ANK2: variants seen among roughly 807,000 people sequenced by gnomAD.
The protein encoded by ANK2 is ankyrin-2.
In ANK2, 83 loss-of-function variants were observed where a neutral mutation model predicts 360.5. The observed-to-expected ratio is 0.23, with a 90% CI of 0.19 to 0.28. The LOEUF is 0.28. Among genes scored for constraint, ANK2 ranks in the 10% least tolerant of loss-of-function variants. ANK2 has a pLI of 1.00. For missense variants in ANK2, 4,201 were observed against 4,795.7 expected, an observed-to-expected ratio of 0.88 and a Z score of 3.66; for synonymous variants, 1,740 against 1,759.5, an observed-to-expected ratio of 0.99 and a Z score of 0.28.
At chr4:113,267,535 G>T (rs1486339684) in intron 14 of ANK2, among the ~76,000 whole-genome samples, 1 of 152,168 alleles carries the variant, frequency 6.6e-6, no homozygotes, top group Non-Finnish European at 1.5e-5. Context: ...GTTTCTGTCA[G>T]ATTTGTCAAA....
intron 24 of ANK2, chr4:113,313,786 G>GT (rs59816521): frequency 6.7e-6 from 1 of 148,774 alleles, no homozygotes; most frequent in Non-Finnish European, 1.5e-5. Flanking sequence ...GTGTTGCCGG[G>GT]GCGGGGGGTG....
Position 113,234,217 on chromosome 4 carries a change from T to C in ANK2, c.483+1958T>C, listed in dbSNP as rs867712264. ...CAAGGCCACTGTAGCATTTCCCATT[T>C]GGTTCCAAAAATACCCTTTTATGTA... On this transcript the variant is annotated intron_variant, in intron 5 of 45. Coordinates refer to ENST00000357077, the MANE Select transcript of ANK2 (RefSeq NM_001148.6). Among the ~76,000 whole-genome samples, 29 of 152,306 alleles carry C rather than the reference T, an allele frequency of 1.9e-4. 1 individual carries two copies. The highest frequency in any genetic ancestry group is 1.6e-3 in the Admixed American group (25 of 15,304).
chr4:113,075,102 A>G (rs188994978), intron 1 of ANK2, among the ~76,000 whole-genome samples: 62 of 152,338 alleles, frequency 4.1e-4, no homozygotes, highest in African/African-American at 1.4e-3. Flanking sequence ...CAAAGTCTGC[A>G]TTTTAATAAG....
At chr4:112,854,327 G>T (rs2065796464) in intron 1 of ANK2, among the ~76,000 whole-genome samples, 1 of 152,188 alleles carries the variant, frequency 6.6e-6, no homozygotes, top group Non-Finnish European at 1.5e-5. Flanking sequence ...AAAAATTGAC[G>T]AAACAATCTG....
intron 5 of ANK2, 56 bp from the exon 6 acceptor site, chr4:113,236,931 T>C (rs2099388294): frequency 4.5e-6 from 7 of 1,558,456 alleles, no homozygotes; most frequent in Non-Finnish European, 6.2e-6. Flanking sequence ...TGCTTAGAAC[T>C]AAATCTCTAG....
In ANK2 at chr4:113,277,935, G is replaced by A. The variant is rs2153698882; in HGVS notation, c.1782G>A (p.Lys594=). 1 of 1,612,230 alleles carries A rather than the reference G, an allele frequency of 6.2e-7. No homozygotes were observed. The stretch of plus-strand genomic sequence containing the variant: ...GTGCTGCCGCAGATTCTGCAGGGAA[G>A]GTAAAGATTTTCTATACGTTATAAT... The part of the protein sequence containing the change: ...QRRAAADSAG[K]NGLTPLHVAA... Residue 594 remains lysine, a splice_region_variant and synonymous_variant, in exon 16 of 46, where the codon AAG becomes AAA. Transcript: ENST00000357077.
At chr4:113,172,329 A>T (rs1007701746) in intron 1 of ANK2, among the ~76,000 whole-genome samples, 1 of 152,182 alleles carries the variant, frequency 6.6e-6, no homozygotes, top group African/African-American at 2.4e-5. Context: ...ACAGGCTAGG[A>T]ATCTGTAGTA....
At chr4:112,780,545 G>A in the ANK2 span, among the ~76,000 whole-genome samples, 1 of 152,124 alleles carries the variant, frequency 6.6e-6, no homozygotes, top group South Asian at 2.1e-4. Context: ...TGTATAATAT[G>A]ATTCATATGT....
chr4:112,717,601 A>C, the ANK2 span, among the ~76,000 whole-genome samples: 2 of 152,200 alleles, frequency 1.3e-5, no homozygotes, highest in Non-Finnish European at 2.9e-5. Flanking sequence ...TAATCACTTC[A>C]TAATGCCAGT....
chr4:113,165,647 C>A (rs2097725234), intron 1 of ANK2, among the ~76,000 whole-genome samples: 1 of 152,040 alleles, frequency 6.6e-6, no homozygotes, highest in African/African-American at 2.4e-5. Context: ...GAATCATATT[C>A]TTCTAGTTCT....
Position 113,345,358 on chromosome 4 carries a change from G to T in ANK2, c.4249-542G>T, listed in dbSNP as rs576715284. Among the ~76,000 whole-genome samples, 3 of 152,272 alleles carry T rather than the reference G, an allele frequency of 2.0e-5. No homozygotes were observed. The South Asian group carries it at 6.2e-4, about 32-fold the overall frequency. On this transcript the variant is annotated intron_variant, in intron 34 of 45. Transcript: ENST00000357077. ...AGGATGAAAAACATTCTGGATAGAAGTAATGATTATACAACTTTGTGAATG... is the reference window on the plus strand; with the variant it reads ...AGGATGAAAAACATTCTGGATAGAATTAATGATTATACAACTTTGTGAATG...
chr4:113,010,472 C>T (rs530808415), intron 2 of ANK2, among the ~76,000 whole-genome samples: 108 of 152,212 alleles, frequency 7.1e-4, no homozygotes, highest in Non-Finnish European at 1.3e-3. Context: ...GACTATGCAC[C>T]TGACATTGCA....
chr4:113,111,986 GGCTGGCTCATAGTA>G (rs139225801), intron 1 of ANK2, among the ~76,000 whole-genome samples: 4,807 of 152,210 alleles, frequency 0.032, 155 homozygotes, highest in East Asian at 0.15. Context: ...AGTGCTTCCT[GGCTGGCTCATAGTA>G]GGCCTTTAGT....
In ANK2 at chr4:113,330,427, A is replaced by G. The variant is rs786205726; in HGVS notation, c.3082A>G (p.Ser1028Gly). The G allele has an allele frequency of 1.2e-6, 2 of 1,614,120 alleles. No homozygotes were observed. The highest frequency in any genetic ancestry group is 3.3e-5 in the Admixed American group (2 of 60,010). Reference protein sequence around the residue: ...PPMVEGEGLASRLIEVGPSGA... With the variant: ...PPMVEGEGLAGRLIEVGPSGA... Reference sequence around the variant, plus strand: ...AATGGTGGAAGGAGAAGGCCTGGCCAGTCGCCTGATCGAAGTTGGACCTTC... The same window carrying G: ...AATGGTGGAAGGAGAAGGCCTGGCCGGTCGCCTGATCGAAGTTGGACCTTC... Residue 1028 changes from serine to glycine, a missense_variant, in exon 27 of 46, where the codon AGT becomes GGT. Around this residue, in one of 4 missense-constraint regions of ANK2, gnomAD observed 1,268 missense variants for 1,650.8 expected, o/e 0.77. Coordinates refer to ENST00000357077, the MANE Select transcript of ANK2 (RefSeq NM_001148.6).
At chr4:113,169,367 C>T (rs537218301) in intron 1 of ANK2, among the ~76,000 whole-genome samples, 86 of 152,208 alleles carry the variant, frequency 5.7e-4, no homozygotes, top group South Asian at 1.9e-3. Context: ...TCCTGGTATT[C>T]TTATTAAAGT....
intron 4 of ANK2, among the ~76,000 whole-genome samples, chr4:113,202,105 T>C (rs891417673): frequency 6.6e-6 from 1 of 152,138 alleles, no homozygotes; most frequent in South Asian, 2.1e-4. Flanking sequence ...ATTTCCTGTA[T>C]TGAATTTATG....
At chr4:113,132,085 T>C (rs1042865541) in intron 1 of ANK2, among the ~76,000 whole-genome samples, 3 of 152,142 alleles carry the variant, frequency 2.0e-5, no homozygotes, top group African/African-American at 7.2e-5. Context: ...TAGAAAACTA[T>C]TCAGAGATGT....
Position 113,343,111 on chromosome 4 carries a change from T to G in ANK2, c.4217T>G (p.Phe1406Cys). ...CATCATATATTCAGTTTTTTTGCCT[T>G]CAAAGAAAATAGACTTCCTCTATTT... is the stretch of plus-strand genomic sequence containing the variant. ...GQHHIFSFFA[F>C]KENRLPLFVK... Residue 1406 changes from phenylalanine to cysteine, a missense_variant, in exon 34 of 46, where the codon TTC becomes TGC. By Grantham distance (205) the Phe-to-Cys change is radical. Around this residue, in one of 4 missense-constraint regions of ANK2, gnomAD observed 1,268 missense variants for 1,650.8 expected, o/e 0.77. Coordinates refer to ENST00000357077, the MANE Select transcript of ANK2 (RefSeq NM_001148.6). 6.2e-7 allele frequency: 1 copy of G among 1,613,778 alleles called. No homozygotes were observed. The highest frequency in any genetic ancestry group is 8.5e-7 in the Non-Finnish European group (1 of 1,179,732).
At chr4:113,299,267 G>C (rs1010372549) in intron 22 of ANK2, among the ~76,000 whole-genome samples, 12 of 152,160 alleles carry the variant, frequency 7.9e-5, no homozygotes, top group Non-Finnish European at 1.8e-4. Flanking sequence ...AGTATCTCCA[G>C]TAATTATTTT....
Sources: allele counts gnomAD v4.1 joint callset (sites outside exome capture counted in the v4.1 genomes callset), GRCh38; gene constraint gnomAD v4.1.1; regional missense constraint gnomAD v4.1.1; transcripts MANE v1.5; gene names NCBI Gene and HGNC (gene_info 2026-07-23, HGNC 2026-07-21).